KCTD3: variants seen among roughly 807,000 people sequenced by gnomAD.
KCTD3 encodes potassium channel tetramerization domain containing 3, also known as BTB/POZ domain-containing protein KCTD3.
Under a neutral mutation model 85.8 loss-of-function variants are expected in KCTD3, and 41 were observed. The observed-to-expected ratio is 0.48, with a 90% CI of 0.37 to 0.62. The LOEUF is 0.62. KCTD3 is among the 20% of genes least tolerant of loss of function. The pLI is 0.00. For missense variants in KCTD3, 724 were observed against 989.9 expected (o/e 0.73, Z 3.60); for synonymous variants, 338 against 345.4 (o/e 0.98, Z 0.24).
chr1:215,572,034 T>C (rs1000278787), intron 1 of KCTD3, among the ~76,000 whole-genome samples: 4 of 152,246 alleles, frequency 2.6e-5, no homozygotes, highest in African/African-American at 9.6e-5. Flanking sequence ...ACACGGCTTC[T>C]GCTGTTACTG....
chr1:215,586,409 T>C (rs901965603), intron 8 of KCTD3, 86 bp from the exon 9 acceptor site: 12 of 1,098,676 alleles, frequency 1.1e-5, no homozygotes, highest in Non-Finnish European at 1.6e-5. Flanking sequence ...TTTTTGTTGT[T>C]GTTTTTTGTT....
In KCTD3 at chr1:215,620,113, G is replaced by A; in HGVS notation, c.1943G>A (p.Arg648Lys). 1 of 1,613,164 alleles carries A rather than the reference G, an allele frequency of 6.2e-7. No homozygotes were observed. The highest frequency in any genetic ancestry group is 8.5e-7 in the Non-Finnish European group (1 of 1,179,586). ...THEAATYGSM[R>K]PYRESPLLAR... ...GAAGCAGCTACTTACGGTTCCATGA[G>A]GCCTTACAGAGAAAGTCCTTTATTA... Residue 648 changes from arginine to lysine, a missense_variant, in exon 18 of 18, where the codon AGG becomes AAG. Physicochemically the swap from Arg to Lys is conservative, Grantham distance 26. Transcript: ENST00000259154.
chr1:215,573,669 C>G, intron 1 of KCTD3, 117 bp from the exon 2 acceptor site: 1 of 595,886 alleles, frequency 1.7e-6, no homozygotes, highest in South Asian at 2.7e-5. Context: ...TATATTGGTA[C>G]AGCTATAACT....
intron 12 of KCTD3, among the ~76,000 whole-genome samples, 174 bp downstream of exon 12, chr1:215,602,375 A>G (rs573693199): frequency 1.3e-5 from 2 of 152,198 alleles, no homozygotes; most frequent in African/African-American, 2.4e-5. Flanking sequence ...GAAGTCAAAC[A>G]TGACCAGTAA....
At chr1:215,598,710 T>G (rs982715405) in intron 10 of KCTD3, among the ~76,000 whole-genome samples, 1 of 152,114 alleles carries the variant, frequency 6.6e-6, no homozygotes, top group African/African-American at 2.4e-5. Context: ...AAAAAAATTT[T>G]TAATTTTATT....
Position 215,589,427 on chromosome 1 carries a change from C to T in KCTD3, c.817+2742C>T, listed in dbSNP as rs533526351. Among the ~76,000 whole-genome samples, 40 of 152,302 alleles carry T rather than the reference C, an allele frequency of 2.6e-4. No homozygotes were observed. The South Asian group carries it at 6.2e-3, about 24-fold the overall frequency. ...AAGTGCTGGGATTACAGGCATGAGTCGCTGTGCCTGGCCAATTTCTTTTTG... is the reference window on the plus strand; with the variant it reads ...AAGTGCTGGGATTACAGGCATGAGTTGCTGTGCCTGGCCAATTTCTTTTTG... On this transcript the variant is annotated intron_variant, in intron 9 of 17. Transcript: ENST00000259154.
intron 17 of KCTD3, among the ~76,000 whole-genome samples, chr1:215,619,643 G>A (rs543933247): frequency 6.6e-6 from 1 of 151,978 alleles, no homozygotes; most frequent in African/African-American, 2.4e-5. Context: ...ATTTATCTGT[G>A]GTTCTATTAT....
intron 9 of KCTD3, among the ~76,000 whole-genome samples, chr1:215,591,978 A>G (rs1159809121): frequency 2.0e-5 from 3 of 152,220 alleles, no homozygotes; most frequent in African/African-American, 7.2e-5. Flanking sequence ...GCAGAAGGCA[A>G]GGAGGAGCAA....
intron 8 of KCTD3, among the ~76,000 whole-genome samples, chr1:215,583,740 C>G (rs1393592118): frequency 6.6e-6 from 1 of 152,174 alleles, no homozygotes; most frequent in Non-Finnish European, 1.5e-5. Context: ...TCTGTAACTT[C>G]TGCAGTCTGA....
At chr1:215,572,523 A>G (rs1403531149) in intron 1 of KCTD3, among the ~76,000 whole-genome samples, 1 of 152,182 alleles carries the variant, frequency 6.6e-6, no homozygotes, top group Non-Finnish European at 1.5e-5. Flanking sequence ...CTGGCCTGCA[A>G]TCCAGTGCTA....
In KCTD3 at chr1:215,567,723, C is replaced by A; in HGVS notation, c.38C>A (p.Ala13Glu). 8.0e-7 allele frequency: 1 copy of A among 1,243,104 alleles called. No homozygotes were observed. The highest frequency in any genetic ancestry group is 1.0e-6 in the Non-Finnish European group (1 of 988,104). The allele number at this position is 1,243,104 out of a possible 1,614,324, so 77.0% of individuals were successfully genotyped here. A position where few individuals can be genotyped will look rare whatever the true frequency, so the allele number is the denominator to read the frequency against. Residue 13 changes from alanine (A) to glutamate (E), a missense_variant, in exon 1 of 18, where the codon GCG (alanine) becomes GAG (glutamate). Coordinates refer to ENST00000259154, the MANE Select transcript of KCTD3 (RefSeq NM_016121.5). ...GGHCGSFPAA[A>E]AGSGEIVQLN... ...CACTGCGGCAGCTTCCCCGCGGCGG[C>A]GGCCGGCAGCGGCGAGATCGTCCAA...
chr1:215,599,346 A>G (rs1654738241), intron 10 of KCTD3, among the ~76,000 whole-genome samples: 1 of 152,216 alleles, frequency 6.6e-6, no homozygotes, highest in Non-Finnish European at 1.5e-5. Context: ...TTTAAAAAGT[A>G]ATGGACGAAG....
In KCTD3 at chr1:215,620,348, G is replaced by T. The variant is rs764466122; in HGVS notation, c.2178G>T (p.Leu726Phe). Reference protein sequence around the residue: ...IKSLRELDSGLEVHKIAEGFS... With the variant: ...IKSLRELDSGFEVHKIAEGFS... ...GTTTGAGAGAATTGGATAGTGGATT[G>T]GAAGTGCATAAAATAGCTGAAGGTT... Residue 726 changes from leucine (L) to phenylalanine (F), a missense_variant, in exon 18 of 18, where the codon TTG becomes TTT. Physicochemically the swap from Leu to Phe is conservative, Grantham distance 22. Around this residue, in one of 6 missense-constraint regions of KCTD3, gnomAD observed 222 missense variants for 217.7 expected, o/e 1.02. Transcript: ENST00000259154. 6.2e-7 allele frequency: 1 copy of T among 1,613,730 alleles called. No individual in the cohort carries two copies. Among genetic ancestry groups the T allele is most frequent in the South Asian group, 1.1e-5 (1 of 91,032 alleles).
At chr1:215,618,838 A>T in intron 15 of KCTD3, 48 bp from the exon 16 acceptor site, 1 of 1,365,980 alleles carries the variant, frequency 7.3e-7, no homozygotes, top group Non-Finnish European at 1.0e-6. Flanking sequence ...GCTTCTTTTT[A>T]AATAATTGCT....
chr1:215,618,535 C>A, intron 15 of KCTD3: 1 of 182,382 alleles, frequency 5.5e-6, no homozygotes, highest in Non-Finnish European at 1.1e-5. Flanking sequence ...GACTTTGGAA[C>A]AATCATTTGC....
chr1:215,590,128 GT>G (rs1384759735), intron 9 of KCTD3, among the ~76,000 whole-genome samples: 2 of 152,126 alleles, frequency 1.3e-5, no homozygotes, highest in African/African-American at 4.8e-5. Context: ...AGCCATTATT[GT>G]GGATTTTAAT....
At chr1:215,588,183 A>G (rs1349059066) in intron 9 of KCTD3, among the ~76,000 whole-genome samples, 1 of 152,088 alleles carries the variant, frequency 6.6e-6, no homozygotes, top group Non-Finnish European at 1.5e-5. Flanking sequence ...AGTCATCTCA[A>G]ATTAAAATGG....
intron 15 of KCTD3, among the ~76,000 whole-genome samples, chr1:215,617,453 TCTGCTGCAGAATCGACTGCTTGC>T (rs1655495927): frequency 6.6e-6 from 1 of 152,252 alleles, no homozygotes; most frequent in East Asian, 1.9e-4. Context: ...TTAGCTGGTG[TCTGCTGCAGAATCGACTGCTTGC>T]TTGGTGTTTG....
rs1660016311 is a variant in KCTD3, at chr1:215,586,522, A to C, written c.654A>C (p.Gln218His). ...TCAAAGAATCTTCAGGATGGCAGCA[A>C]GTGTTTACGAGCCCATATTTGGATT... ...YRIKESSGWQ[Q>H]VFTSPYLDWT... The change falls in exon 9 of 18, where the codon CAA becomes CAC. Residue 218 changes from glutamine (Q) to histidine (H), a missense_variant. Transcript: ENST00000259154. The C allele has an allele frequency of 6.2e-7, 1 of 1,613,946 alleles. No homozygotes were observed. The highest frequency in any genetic ancestry group is 8.5e-7 in the Non-Finnish European group (1 of 1,179,922).
Sources: allele counts gnomAD v4.1 joint callset (sites outside exome capture counted in the v4.1 genomes callset), GRCh38; gene constraint gnomAD v4.1.1; regional missense constraint gnomAD v4.1.1; transcripts MANE v1.5; gene names NCBI Gene and HGNC (gene_info 2026-07-23, HGNC 2026-07-21).